ACVR2B: variants seen among roughly 807,000 people sequenced by gnomAD.
ACVR2B encodes activin A receptor type 2B, also known as activin receptor type-2B.
ACVR2B carries 18 observed loss-of-function variants against 65.1 expected under a neutral mutation model. The observed-to-expected ratio is 0.28, with a 90% CI of 0.19 to 0.41. The LOEUF is 0.41. Among genes scored for constraint, ACVR2B ranks in the 10% least tolerant of loss-of-function variants. The probability of loss-of-function intolerance (pLI) is 1.00; values close to 1 mark genes in which losing one functional copy is unlikely to be tolerated. For synonymous variants in ACVR2B, 298 were observed against 277.7 expected (o/e 1.07, Z -0.73); for missense variants, 482 against 682.7 (o/e 0.71, Z 3.28).
intron 3 of ACVR2B, 59 bp downstream of exon 3, chr3:38,478,029 G>C: frequency 6.2e-7 from 1 of 1,603,120 alleles, no homozygotes; most frequent in South Asian, 1.1e-5. Context: ...TCTTTGGCTT[G>C]GAGCGCTTGG....
At position 38,477,815 on chromosome 3, in the gene ACVR2B, T is replaced by G. The variant is rs756296682; in HGVS notation, c.261-46T>G. ...TTGGCAGGGCAGGCCTGGGGGAGTC[T>G]TGCATCCCCCAGGTGAGGGGTATAT... On this transcript the variant is annotated intron_variant, in intron 2 of 10. Coordinates refer to ENST00000352511, the MANE Select transcript of ACVR2B (RefSeq NM_001106.4). This position sits in a 1 kb window ranked among gnomAD's most constrained non-coding sequence, Gnocchi z 6.7. The G allele has an allele frequency of 6.3e-7, 1 of 1,575,460 alleles. No individual in the cohort carries two copies. The highest frequency in any genetic ancestry group is 8.7e-7 in the Non-Finnish European group (1 of 1,145,104).
chr3:38,480,715 T>A (rs1710003423), intron 7 of ACVR2B, among the ~76,000 whole-genome samples: 1 of 152,242 alleles, frequency 6.6e-6, no homozygotes. Context: ...GTCTCTGCTA[T>A]ATGGCTCAAC....
chr3:38,471,490 C>T (rs1424175428), intron 1 of ACVR2B, among the ~76,000 whole-genome samples: 1 of 152,110 alleles, frequency 6.6e-6, no homozygotes, highest in Non-Finnish European at 1.5e-5. Context: ...AAGAAACGCC[C>T]ACACATGAGT....
Position 38,454,243 on chromosome 3 carries a change from C to A in ACVR2B, c.-80C>A. On this transcript the variant is annotated 5_prime_UTR_variant, in exon 1 of 11. Coordinates refer to ENST00000352511, the MANE Select transcript of ACVR2B (RefSeq NM_001106.4). ...GGAGCGGGAAGGAGAGCGCAGCCGC[C>A]GCCTGGCCCTGCGCGCCCCGGGAGC... The A allele has an allele frequency of 9.5e-7, 1 of 1,056,956 alleles. No individual in the cohort carries two copies. Among genetic ancestry groups the A allele is most frequent in the Non-Finnish European group, 1.2e-6 (1 of 846,838 alleles). 65.5% of individuals were successfully genotyped at this position (1,056,956 alleles called of 1,614,324 possible).
chr3:38,459,771 G>A, intron 1 of ACVR2B: 1 of 698,010 alleles, frequency 1.4e-6, no homozygotes, highest in Non-Finnish European at 1.8e-6. Context: ...CTGTGGACCT[G>A]GGGAGGTGTG....
chr3:38,479,613 G>C, intron 6 of ACVR2B, 65 bp from the exon 7 acceptor site: 1 of 1,587,348 alleles, frequency 6.3e-7, no homozygotes, highest in Non-Finnish European at 8.6e-7. Flanking sequence ...TTCTCTGCCA[G>C]GGCTGGGCTG....
intron 1 of ACVR2B, chr3:38,459,514 CAGG>C: frequency 1.1e-6 from 1 of 900,100 alleles, no homozygotes; most frequent in Non-Finnish European, 1.3e-6. Context: ...CTGGGGGCCT[CAGG>C]AGCTAAGGCT....
rs946321885 is a variant in ACVR2B, at chr3:38,484,518, A to G, written c.*1186A>G. On this transcript the variant is annotated 3_prime_UTR_variant, in exon 11 of 11. Transcript: ENST00000352511. Reference sequence around the variant, plus strand: ...GTCCCCGTTCTGTGGCTCGTGGACAAGACTTTCTCCAGACCCCTTAAAGTG... The same window carrying G: ...GTCCCCGTTCTGTGGCTCGTGGACAGGACTTTCTCCAGACCCCTTAAAGTG... 2.6e-5 allele frequency: 4 copies of G among 152,204 alleles called. No individual in the cohort carries two copies. The highest frequency in any genetic ancestry group is 4.8e-5 in the African/African-American group (2 of 41,452). 9.4% of individuals were successfully genotyped at this position (152,204 alleles called of 1,614,324 possible). A position where few individuals can be genotyped will look rare whatever the true frequency, so the allele number is the denominator to read the frequency against.
chr3:38,478,229 C>T lies in ACVR2B; in HGVS notation c.459C>T (p.Val153=). Residue 153 remains valine (V), a synonymous_variant, in exon 4 of 11, where the codon GTC becomes GTT. Transcript: ENST00000352511. ...LLPIGGLSLI[V]LLAFWMYRHR... is the part of the protein sequence containing the mutation. ...CCATCGGGGGCCTTTCCCTCATCGT[C>T]CTGCTGGCCTTTTGGATGTACCGGC... 1.2e-6 allele frequency: 2 copies of T among 1,614,162 alleles called. No homozygotes were observed. The highest frequency in any genetic ancestry group is 1.7e-6 in the Non-Finnish European group (2 of 1,180,022).
At chr3:38,480,668 G>A (rs1275767956) in intron 7 of ACVR2B, among the ~76,000 whole-genome samples, 1 of 152,232 alleles carries the variant, frequency 6.6e-6, no homozygotes, top group African/African-American at 2.4e-5. Context: ...TAGACTGTAT[G>A]AAATTGCCGT....
rs751050485 is a variant in ACVR2B at position 38,492,267 on chromosome 3, G to T, written c.*8935G>T. 2 of 152,620 alleles carry T rather than the reference G, an allele frequency of 1.3e-5. No individual in the cohort carries two copies. The highest frequency in any genetic ancestry group is 2.4e-5 in the African/African-American group (1 of 41,446). 9.5% of individuals were successfully genotyped at this position (152,620 alleles called of 1,614,324 possible). On this transcript the variant is annotated 3_prime_UTR_variant, in exon 11 of 11. Transcript: ENST00000352511. The stretch of plus-strand genomic sequence containing the variant: ...AAAACCCTAAGACTTGTCTAACTTA[G>T]TGGAGAATGTGTGTGTTGGGCTTAG...
At chr3:38,454,578 C>T (rs1709510388) in intron 1 of ACVR2B, 1 of 389,244 alleles carries the variant, frequency 2.6e-6, no homozygotes, top group Non-Finnish European at 4.3e-6. Flanking sequence ...TCTGTGCAGT[C>T]ATCTGCGGGA....
Position 38,481,341 on chromosome 3 carries a change from G to C in ACVR2B, c.960-10G>C, listed in dbSNP as rs1710014484. On this transcript the variant is annotated splice_polypyrimidine_tract_variant and intron_variant, in intron 7 of 10. Transcript: ENST00000352511. The surrounding 1 kb of genome is among the most constrained non-coding windows in gnomAD (Gnocchi z 4.7). The stretch of plus-strand genomic sequence containing the variant: ...TGTTAAGCTTTATCTCTGCCCACTT[G>C]TTTCCACAGGGACTTTAAAAGTAAG... The C allele has an allele frequency of 1.9e-6, 3 of 1,608,846 alleles. No homozygotes were observed. The South Asian group carries it at 3.3e-5, about 18-fold the overall frequency.
Position 38,490,965 on chromosome 3 carries a change from G to C in ACVR2B, c.*7633G>C, listed in dbSNP as rs2059806274. The C allele has an allele frequency of 6.6e-6, 1 of 152,544 alleles. No individual in the cohort carries two copies. The highest frequency in any genetic ancestry group is 1.5e-5 in the Non-Finnish European group (1 of 68,026). 9.4% of individuals were successfully genotyped at this position (152,544 alleles called of 1,614,324 possible). On this transcript the variant is annotated 3_prime_UTR_variant, in exon 11 of 11. Transcript: ENST00000352511. ...AATAGGCAAAGCGATTTAATTGGCT[G>C]GTCTTGCACGCAAATTAGTTCCAAA...
In ACVR2B at chr3:38,492,070, A is replaced by G. The variant is rs1412176434; in HGVS notation, c.*8738A>G. ...CGAGTTTGTTGTCAATTCTTATGAA[A>G]AGAGCTTTCTGCATGTAACACATAC... On this transcript the variant is annotated 3_prime_UTR_variant, in exon 11 of 11. Coordinates refer to ENST00000352511, the MANE Select transcript of ACVR2B (RefSeq NM_001106.4). 1 of 152,278 alleles carries G rather than the reference A, an allele frequency of 6.6e-6. No individual in the cohort carries two copies. Among genetic ancestry groups the G allele is most frequent in the African/African-American group, 2.4e-5 (1 of 41,468 alleles). 9.4% of individuals were successfully genotyped at this position (152,278 alleles called of 1,614,324 possible). A position where few individuals can be genotyped will look rare whatever the true frequency, so the allele number is the denominator to read the frequency against.
At position 38,461,499 on chromosome 3, in the gene ACVR2B, C is replaced by A. The variant is rs377682307; in HGVS notation, c.52+7125C>A. On this transcript the variant is annotated intron_variant, in intron 1 of 10. Transcript: ENST00000352511. ...AATTCTGGTTTCTTTTCCCACCTGG[C>A]TGGCTCCTTCTGTGAACCTTCTGGC... Among the ~76,000 whole-genome samples the A allele has an allele frequency of 1.5e-4, 23 of 152,190 alleles. 1 individual carries two copies. Among genetic ancestry groups the A allele is most frequent in the Admixed American group, 9.2e-4 (14 of 15,296 alleles).
rs751161595 is a variant in ACVR2B, at chr3:38,478,503, G to A, written c.651G>A (p.Lys217=). The change falls in exon 5 of 11, where the codon AAG becomes AAA. Residue 217 remains lysine (K), a synonymous_variant. Transcript: ENST00000352511. ...AQLMNDFVAV[K]IFPLQDKQSW... is the part of the protein sequence containing the mutation. ...TCATGAATGACTTTGTAGCTGTCAA[G>A]ATCTTCCCACTCCAGGTGAGTGTTT... The A allele has an allele frequency of 4.3e-6, 7 of 1,614,034 alleles. No homozygotes were observed. The highest frequency in any genetic ancestry group is 4.0e-5 in the African/African-American group (3 of 74,942).
Position 38,478,984 on chromosome 3 carries a change from G to A in ACVR2B, c.667-144G>A, listed in dbSNP as rs2075705. 1.3e-3 allele frequency: 1,456 copies of A among 1,103,352 alleles called. 20 individuals are homozygous for A. The East Asian group carries it at 0.03, about 23-fold the overall frequency. The allele number at this position is 1,103,352 out of a possible 1,614,324, so 68.3% of individuals were successfully genotyped here. On this transcript the variant is annotated intron_variant, in intron 5 of 10. Coordinates refer to ENST00000352511, the MANE Select transcript of ACVR2B (RefSeq NM_001106.4). Reference sequence around the variant, plus strand: ...TTCTCCTGGTCCCCTTACAAATGCTGAAGCTGGGAGGCTGGGGGGTGGGGA... The same window carrying A: ...TTCTCCTGGTCCCCTTACAAATGCTAAAGCTGGGAGGCTGGGGGGTGGGGA...
intron 9 of ACVR2B, 33 bp downstream of exon 9, chr3:38,482,369 T>C (rs778499283): frequency 1.2e-6 from 2 of 1,608,796 alleles, no homozygotes; most frequent in African/African-American, 2.7e-5. Context: ...GCATCCTAGA[T>C]TGAGTGATAG....
Sources: gnomAD v4.1 joint callset for allele counts (sites outside exome capture counted in the v4.1 genomes callset) on GRCh38, gnomAD v4.1.1 for gene constraint, Gnocchi (gnomAD v3.1) non-coding constraint, MANE v1.5 for transcripts, NCBI Gene and HGNC (gene_info 2026-07-23, HGNC 2026-07-21) for gene names.